Variants in DIDO1 observed in about 807,000 individuals in gnomAD.
DIDO1 encodes the protein death-inducer obliterator 1.
A neutral mutation model predicts 99.4 loss-of-function variants in DIDO1; 16 were observed. The ratio of observed to expected loss-of-function variants is 0.16; its 90% confidence interval spans 0.11 to 0.24. The LOEUF (loss-of-function observed/expected upper bound fraction) is 0.24. DIDO1 is among the 10% of genes least tolerant of loss of function. DIDO1 has a pLI of 1.00. For missense variants in DIDO1, 2,996 were observed against 3,014.0 expected, an observed-to-expected ratio of 0.99 and a Z score of 0.14; for synonymous variants, 1,366 against 1,239.1, an observed-to-expected ratio of 1.10 and a Z score of -2.15.
At chr20:62,926,543 G>A (rs1363669667), upstream of DIDO1, 1 of 152,012 alleles carries the variant, frequency 6.6e-6, no homozygotes, top group African/African-American at 2.4e-5. Context: ...GCGGCGGGCG[G>A]AGGACGAGAC....
intron 14 of DIDO1, among the ~76,000 whole-genome samples, chr20:62,891,559 C>G (rs527966198): frequency 6.6e-6 from 1 of 152,092 alleles, no homozygotes; most frequent in Admixed American, 6.5e-5. Flanking sequence ...AAACCAGAAC[C>G]GTTCAAGAGC....
rs116887394 is a variant in DIDO1 at position 62,881,962 on chromosome 20, C to T, written c.3994G>A (p.Ala1332Thr). 1.1e-3 allele frequency: 1,779 copies of T among 1,613,336 alleles called. 1 individual carries two copies. Among genetic ancestry groups the T allele is most frequent in the Non-Finnish European group, 1.3e-3 (1,567 of 1,180,024 alleles). The change falls in exon 16 of 16, where the codon GCC (alanine) becomes ACC (threonine). Residue 1332 changes from alanine to threonine, a missense_variant. Ala to Thr is a moderately conservative substitution (Grantham distance 58). Around this residue, in one of 5 missense-constraint regions of DIDO1, gnomAD observed 1,562 missense variants for 1,412.6 expected, o/e 1.11. Transcript: ENST00000395343. This position sits in a 1 kb window ranked among gnomAD's most constrained non-coding sequence, Gnocchi z 8.3. ...GCGGTGGACCCGGGAGGCTCTCTGGCGGACGGGTCGAATGATTTCTTCTTT... is the reference window on the plus strand; with the variant it reads ...GCGGTGGACCCGGGAGGCTCTCTGGTGGACGGGTCGAATGATTTCTTCTTT... The part of the protein sequence containing the change: ...FGKKKSFDPS[A>T]REPPGSTAGL...
At position 62,892,924 on chromosome 20, in the gene DIDO1, G is replaced by A. The variant is rs1338171100; in HGVS notation, c.3140C>T (p.Thr1047Ile). The A allele has an allele frequency of 1.2e-6, 2 of 1,613,948 alleles. No individual in the cohort carries two copies. Among genetic ancestry groups the A allele is most frequent in the Admixed American group, 1.7e-5 (1 of 60,024 alleles). ...ESRSPPEGDTTLFLSRLSTIW... is the reference protein window; with the variant it reads ...ESRSPPEGDTILFLSRLSTIW... ...GGTGCTGAGTCGAGACAAAAAGAGG[G>A]TCGTGTCTCCCTCTGGAGGGGAACG... The change falls in exon 13 of 16, where the codon ACC becomes ATC. Residue 1047 changes from threonine (T) to isoleucine (I), a missense_variant. Thr to Ile is a moderately conservative substitution (Grantham distance 89). Coordinates refer to ENST00000395343, the MANE Select transcript of DIDO1 (RefSeq NM_001193369.2).
chr20:62,889,573 C>T (rs2064357859), intron 15 of DIDO1: 1 of 985,352 alleles, frequency 1.0e-6, no homozygotes, highest in Non-Finnish European at 1.2e-6. Context: ...CACTGTCGCA[C>T]TTGCAACTGA....
At position 62,881,136 on chromosome 20, in the gene DIDO1, G is replaced by A. The variant is rs767638897; in HGVS notation, c.4820C>T (p.Pro1607Leu). The change falls in exon 16 of 16, where the codon CCA becomes CTA. Residue 1607 changes from proline to leucine, a missense_variant. This residue lies in a region of DIDO1 where 1,562 missense variants were observed against 1,412.6 expected (regional missense o/e 1.11). Transcript: ENST00000395343. The surrounding 1 kb of genome is among the most constrained non-coding windows in gnomAD (Gnocchi z 8.3). The part of the protein sequence containing the change: ...RGGLVGQAPM[P>L]VPEEKEPASS... Reference sequence around the variant, plus strand: ...GGCTGGCTCTTTTTCCTCCGGGACTGGCATGGGCGCCTGGCCCACGAGGCC... The same window carrying A: ...GGCTGGCTCTTTTTCCTCCGGGACTAGCATGGGCGCCTGGCCCACGAGGCC... The A allele has an allele frequency of 6.2e-7, 1 of 1,608,704 alleles. No homozygotes were observed. Among genetic ancestry groups the A allele is most frequent in the Non-Finnish European group, 8.5e-7 (1 of 1,179,514 alleles).
At chr20:62,885,806 C>T (rs1345925069) in intron 15 of DIDO1, among the ~76,000 whole-genome samples, 6 of 152,250 alleles carry the variant, frequency 3.9e-5, no homozygotes, top group Admixed American at 3.3e-4. Context: ...AATAACTCTT[C>T]GTGGAAGGAG....
intron 1 of DIDO1, among the ~76,000 whole-genome samples, chr20:62,923,196 G>A (rs1461703254): frequency 6.6e-6 from 1 of 150,724 alleles, no homozygotes; most frequent in East Asian, 2.0e-4. Context: ...TTTTTTTTTT[G>A]AGACAGAGTC....
intron 6 of DIDO1, chr20:62,905,431 AAAAAGAAGTGATGC>A (rs1196793060): frequency 3.3e-6 from 5 of 1,507,508 alleles, no homozygotes; most frequent in Admixed American, 2.2e-5. Context: ...CCACAACATA[AAAAAGAAGTGATGC>A]TTTCATGTGC....
chr20:62,922,057 T>C (rs2147563972), intron 1 of DIDO1, among the ~76,000 whole-genome samples: 1 of 147,566 alleles, frequency 6.8e-6, no homozygotes, highest in African/African-American at 2.5e-5. Flanking sequence ...ACAATATATA[T>C]ATACACACAC....
intron 4 of DIDO1, among the ~76,000 whole-genome samples, 156 bp from the exon 5 acceptor site, chr20:62,907,515 A>T (rs1037637267): frequency 4.6e-5 from 7 of 152,274 alleles, no homozygotes; most frequent in Non-Finnish European, 8.8e-5. Flanking sequence ...TTGTTGATTC[A>T]AGCTATGAAA....
At chr20:62,909,477 A>C (rs951076375) in intron 4 of DIDO1, among the ~76,000 whole-genome samples, 1 of 152,250 alleles carries the variant, frequency 6.6e-6, no homozygotes, top group Admixed American at 6.5e-5. Context: ...AAATCCTCAA[A>C]GATGGGCTGA....
chr20:62,905,429 T>TA, intron 6 of DIDO1: 1 of 1,501,030 alleles, frequency 6.7e-7, no homozygotes, highest in Non-Finnish European at 8.9e-7. Flanking sequence ...TCCCACAACA[T>TA]AAAAAAGAAG....
At chr20:62,900,948 T>G (rs1345547539) in intron 6 of DIDO1, among the ~76,000 whole-genome samples, 1 of 152,240 alleles carries the variant, frequency 6.6e-6, no homozygotes, top group Non-Finnish European at 1.5e-5. Flanking sequence ...CAGTGAGGCG[T>G]GTGTACAACA....
intron 6 of DIDO1, among the ~76,000 whole-genome samples, chr20:62,901,863 A>C (rs2064691137): frequency 6.6e-6 from 1 of 152,012 alleles, no homozygotes; most frequent in Non-Finnish European, 1.5e-5. Flanking sequence ...CTTTATACAA[A>C]TCTACCTGAA....
chr20:62,932,824 A>T (rs1204365002), intron 1 of DIDO1, among the ~76,000 whole-genome samples: 1 of 152,246 alleles, frequency 6.6e-6, no homozygotes, highest in Non-Finnish European at 1.5e-5. Flanking sequence ...AAATAAAATC[A>T]GGCAAAAAGA....
At chr20:62,908,593 T>C (rs2064857782) in intron 4 of DIDO1, among the ~76,000 whole-genome samples, 1 of 152,216 alleles carries the variant, frequency 6.6e-6, no homozygotes, top group Non-Finnish European at 1.5e-5. Context: ...AGCGAAACCT[T>C]ATTTCTCAAA....
At chr20:62,926,800 TAGCCCCG>T (rs1462598727), upstream of DIDO1, among the ~76,000 whole-genome samples, 1 of 152,236 alleles carries the variant, frequency 6.6e-6, no homozygotes, top group Admixed American at 6.5e-5. Flanking sequence ...ACGTGGATGC[TAGCCCCG>T]AGGGACTGCA....
rs576168858 is a variant in DIDO1 at position 62,896,206 on chromosome 20, T to G, written c.2214+27A>C. Reference sequence around the variant, plus strand: ...CACCCAGCGAACAGAACAGGAATACTCCAATGCACCGACACCAGGCACACA... The same window carrying G: ...CACCCAGCGAACAGAACAGGAATACGCCAATGCACCGACACCAGGCACACA... On this transcript the variant is annotated intron_variant, in intron 8 of 15. Transcript: ENST00000395343. The surrounding 1 kb of genome is among the most constrained non-coding windows in gnomAD (Gnocchi z 4.4). The G allele has an allele frequency of 1.8e-4, 282 of 1,606,324 alleles. 7 individuals carry two copies. In the South Asian group the frequency reaches 3.1e-3, roughly 17 times the overall value.
chr20:62,883,516 C>A (rs1483641495), intron 15 of DIDO1, among the ~76,000 whole-genome samples: 2 of 151,854 alleles, frequency 1.3e-5, no homozygotes, highest in African/African-American at 4.8e-5. Flanking sequence ...CGTGGTGAAA[C>A]CCCGTCTCTA....
Sources: allele counts gnomAD v4.1 joint callset (sites outside exome capture counted in the v4.1 genomes callset), GRCh38; gene constraint gnomAD v4.1.1; regional missense constraint gnomAD v4.1.1; non-coding constraint Gnocchi (gnomAD v3.1); transcripts MANE v1.5; gene names NCBI Gene and HGNC (gene_info 2026-07-23, HGNC 2026-07-21).